Variants in LRP1B observed in about 807,000 individuals in gnomAD.
LRP1B encodes low-density lipoprotein receptor-related protein 1B.
Under a neutral mutation model 556.6 loss-of-function variants are expected in LRP1B, and 217 were observed. The observed-to-expected ratio is 0.39, with a 90% CI of 0.35 to 0.44. The LOEUF is 0.44. Among genes scored for constraint, LRP1B ranks in the 20% least tolerant of loss-of-function variants. The probability of loss-of-function intolerance (pLI) is 1.00; values close to 1 mark genes in which losing one functional copy is unlikely to be tolerated. For missense variants in LRP1B, 5,053 were observed against 5,620.8 expected, an observed-to-expected ratio of 0.90 and a Z score of 3.23; for synonymous variants, 2,047 against 1,865.8, an observed-to-expected ratio of 1.10 and a Z score of -2.50.
chr2:141,218,692 G>A (rs113821978), intron 6 of LRP1B, among the ~76,000 whole-genome samples: 2,256 of 152,264 alleles, frequency 0.015, 34 homozygotes, highest in Middle Eastern at 0.034. Context: ...CTATTTGGGT[G>A]ACAGATTCAG....
intron 29 of LRP1B, among the ~76,000 whole-genome samples, chr2:140,845,040 G>A (rs1162919518): frequency 6.6e-6 from 1 of 152,090 alleles, no homozygotes; most frequent in African/African-American, 2.4e-5. Context: ...AGTGAAAGAT[G>A]AGTGAGAGAA....
intron 66 of LRP1B, among the ~76,000 whole-genome samples, chr2:140,431,004 C>T (rs1453873605): frequency 6.6e-6 from 1 of 152,180 alleles, no homozygotes; most frequent in Non-Finnish European, 1.5e-5. Flanking sequence ...AGAGGCCTTT[C>T]CTACAGGGTC....
chr2:141,049,752 T>C (rs1167242042), intron 10 of LRP1B, among the ~76,000 whole-genome samples: 1 of 152,112 alleles, frequency 6.6e-6, no homozygotes, highest in Non-Finnish European at 1.5e-5. Context: ...ACATGTGACT[T>C]ATTCTTTTTA....
chr2:141,431,902 T>C (rs1680576402), intron 3 of LRP1B, among the ~76,000 whole-genome samples: 1 of 152,300 alleles, frequency 6.6e-6, no homozygotes, highest in Admixed American at 6.5e-5. Context: ...TCATGTCATA[T>C]ACAAGGAGAG....
chr2:141,271,000 G>A (rs200272855), intron 3 of LRP1B, among the ~76,000 whole-genome samples: 33 of 152,010 alleles, frequency 2.2e-4, no homozygotes, highest in Admixed American at 4.6e-4. Flanking sequence ...AGAAGTAAAT[G>A]AAGCTATAAA....
At chr2:140,950,547 T>C in intron 19 of LRP1B, 145 bp from the exon 20 acceptor site, 4 of 545,540 alleles carry the variant, frequency 7.3e-6, no homozygotes, top group Non-Finnish European at 1.2e-5. Flanking sequence ...GCAGTGGCAC[T>C]ATCTCGGCTC....
chr2:140,296,789 T>A (rs546518632), intron 84 of LRP1B, among the ~76,000 whole-genome samples: 1 of 152,206 alleles, frequency 6.6e-6, no homozygotes, highest in African/African-American at 2.4e-5. Context: ...ATAAAATCAA[T>A]TAACTTGACT....
intron 79 of LRP1B, among the ~76,000 whole-genome samples, chr2:140,330,217 T>TAATA (rs1470400453): frequency 1.4e-5 from 2 of 140,208 alleles, no homozygotes; most frequent in African/African-American, 5.3e-5. Context: ...ATAATAATAA[T>TAATA]AATAATAATA....
chr2:142,075,009 CAT>C (rs1297993330), intron 1 of LRP1B, among the ~76,000 whole-genome samples: 1 of 152,106 alleles, frequency 6.6e-6, no homozygotes, highest in African/African-American at 2.4e-5. Flanking sequence ...AGGTAAATAA[CAT>C]AGCTCTTTCA....
intron 18 of LRP1B, among the ~76,000 whole-genome samples, chr2:140,953,698 T>G (rs1695787570): frequency 1.3e-5 from 2 of 152,132 alleles, no homozygotes; most frequent in African/African-American, 4.8e-5. Context: ...CACTATTTTA[T>G]TTTGGAGAAA....
chr2:141,236,527 T>A (rs1409821243), intron 5 of LRP1B, among the ~76,000 whole-genome samples: 1 of 152,176 alleles, frequency 6.6e-6, no homozygotes, highest in Non-Finnish European at 1.5e-5. Flanking sequence ...GTTAAATAGA[T>A]CTGTTTTCCA....
intron 1 of LRP1B, among the ~76,000 whole-genome samples, chr2:141,977,636 C>T (rs1387694209): frequency 6.6e-6 from 1 of 152,128 alleles, no homozygotes; most frequent in Non-Finnish European, 1.5e-5. Context: ...TCTTCTGATA[C>T]TTTGTTGTTG....
chr2:141,923,446 A>ATATATGTG (rs751676259), intron 1 of LRP1B, among the ~76,000 whole-genome samples: 4 of 81,752 alleles, frequency 4.9e-5, no homozygotes, highest in Admixed American at 4.0e-4. Flanking sequence ...TTATATATAT[A>ATATATGTG]TGTGTGTGTG....
intron 25 of LRP1B, 99 bp from the exon 26 acceptor site, chr2:140,868,362 T>A: frequency 8.9e-7 from 1 of 1,123,788 alleles, no homozygotes; most frequent in Non-Finnish European, 1.2e-6. Flanking sequence ...ACTGGATAGG[T>A]GATAAGTCAC....
At chr2:142,015,242 T>G (rs974815416) in intron 1 of LRP1B, among the ~76,000 whole-genome samples, 2 of 152,162 alleles carry the variant, frequency 1.3e-5, no homozygotes, top group Non-Finnish European at 2.9e-5. Context: ...AGCTGACCTT[T>G]GACAAACCTG....
At chr2:141,760,025 A>C (rs1460128153) in intron 2 of LRP1B, among the ~76,000 whole-genome samples, 1 of 152,164 alleles carries the variant, frequency 6.6e-6, no homozygotes, top group Non-Finnish European at 1.5e-5. Context: ...GCTACTCGGG[A>C]GGCTGAGGCA....
At chr2:141,740,024 A>G (rs1693637714) in intron 2 of LRP1B, among the ~76,000 whole-genome samples, 1 of 152,148 alleles carries the variant, frequency 6.6e-6, no homozygotes, top group Admixed American at 6.5e-5. Flanking sequence ...ATAAAGAAAA[A>G]ATAAAACAAA....
intron 17 of LRP1B, among the ~76,000 whole-genome samples, chr2:140,986,645 A>G (rs909268458): frequency 6.6e-6 from 1 of 152,150 alleles, no homozygotes; most frequent in African/African-American, 2.4e-5. Context: ...CTGAAGACCA[A>G]ATTCCTTACT....
At chr2:141,539,192 T>C (rs969361909) in intron 2 of LRP1B, among the ~76,000 whole-genome samples, 1 of 139,382 alleles carries the variant, frequency 7.2e-6, no homozygotes, top group Non-Finnish European at 1.7e-5. Flanking sequence ...GAAATAGTGA[T>C]GACCCAGGAA....
Sources: allele counts gnomAD v4.1 joint callset (sites outside exome capture counted in the v4.1 genomes callset), GRCh38; gene constraint gnomAD v4.1.1; transcripts MANE v1.5; gene names NCBI Gene and HGNC (gene_info 2026-07-23, HGNC 2026-07-21).